Variants in GADL1 observed in about 807,000 individuals in gnomAD.
GADL1 encodes the protein acidic amino acid decarboxylase GADL1.
GADL1 carries 71 observed loss-of-function variants against 69.5 expected under a neutral mutation model. The ratio of observed to expected loss-of-function variants is 1.02; its 90% CI spans 0.84 to 1.25. GADL1 has a LOEUF of 1.25. GADL1 is among the 50% of genes most tolerant of loss of function. The pLI is 0.00. For missense variants in GADL1, 737 were observed against 631.8 expected, an observed-to-expected ratio of 1.17 and a Z score of -1.79; for synonymous variants, 254 against 214.4, an observed-to-expected ratio of 1.18 and a Z score of -1.62.
At chr3:30,803,667 T>C (rs1697201655) in intron 11 of GADL1, among the ~76,000 whole-genome samples, 1 of 152,212 alleles carries the variant, frequency 6.6e-6, no homozygotes, top group Admixed American at 6.5e-5. Context: ...ACTAAAAAAT[T>C]CTGCCTTGGG....
chr3:30,889,084 TAAA>T (rs60227313), intron 1 of GADL1, among the ~76,000 whole-genome samples: 3,173 of 32,320 alleles, frequency 0.098, 108 homozygotes, highest in African/African-American at 0.22. Context: ...CGGTAATCTA[TAAA>T]AAAAAAAAAA....
chr3:30,889,084 TAAAAA>T (rs60227313), intron 1 of GADL1, among the ~76,000 whole-genome samples: 163 of 32,880 alleles, frequency 5.0e-3, no homozygotes, highest in African/African-American at 0.013. Context: ...CGGTAATCTA[TAAAAA>T]AAAAAAAAAA....
chr3:30,821,181 G>C (rs1201515412), intron 11 of GADL1, among the ~76,000 whole-genome samples: 1 of 152,054 alleles, frequency 6.6e-6, no homozygotes, highest in East Asian at 1.9e-4. Context: ...CTGGGTGTGG[G>C]GAGGCGGGGA....
Position 30,765,331 on chromosome 3 carries a change from G to A in GADL1, c.1392+12848C>T, listed in dbSNP as rs1001276907. On this transcript the variant is annotated intron_variant, in intron 14 of 14. Coordinates refer to ENST00000282538, the MANE Select transcript of GADL1 (RefSeq NM_207359.3). ...GCAGACCAACTCACACTTTCAGGAT[G>A]AGTAGTCATATTCTGTAAAACTACA... Among the ~76,000 whole-genome samples, 36 of 152,178 alleles carry A rather than the reference G, an allele frequency of 2.4e-4. 1 individual carries two copies. Among genetic ancestry groups the A allele is most frequent in the African/African-American group, 8.7e-4 (36 of 41,438 alleles).
rs115846409 is a variant in GADL1, at chr3:30,741,192, G to A, written c.1393-12777C>T. Among the ~76,000 whole-genome samples the A allele has an allele frequency of 1.6e-3, 149 of 94,466 alleles. 1 individual carries two copies. The highest frequency in any genetic ancestry group is 8.4e-3 in the African/African-American group (128 of 15,270). 62.0% of individuals were successfully genotyped at this position (94,466 alleles called of 152,430 possible). On this transcript the variant is annotated intron_variant, in intron 14 of 14. Transcript: ENST00000282538. ...AATATTATATATATTATATAATTAT[G>A]TGTGTGTGTGTGTGTGTGTGTGTGT...
intron 12 of GADL1, among the ~76,000 whole-genome samples, chr3:30,788,279 A>G (rs1696841340): frequency 6.6e-6 from 1 of 152,242 alleles, no homozygotes; most frequent in Admixed American, 6.5e-5. Context: ...GTTTGGTTCC[A>G]GAACACTACA....
At chr3:30,805,734 CTTTTTTTTTTTT>C (rs34788058) in intron 11 of GADL1, among the ~76,000 whole-genome samples, 2,536 of 66,238 alleles carry the variant, frequency 0.038, 59 homozygotes, top group Non-Finnish European at 0.046. Flanking sequence ...AGTCCCCAGC[CTTTTTTTTTTTT>C]TTTTTTTTTT....
intron 11 of GADL1, among the ~76,000 whole-genome samples, chr3:30,809,555 T>C (rs1215797809): frequency 2.0e-5 from 3 of 152,194 alleles, no homozygotes; most frequent in Admixed American, 6.5e-5. Flanking sequence ...ATCTTTCCCA[T>C]TCCAGTCAAG....
At chr3:30,840,513 C>CT (rs1697948584) in intron 8 of GADL1, among the ~76,000 whole-genome samples, 1 of 152,162 alleles carries the variant, frequency 6.6e-6, no homozygotes, top group Non-Finnish European at 1.5e-5. Flanking sequence ...ACAACTATGG[C>CT]TTTATCATAC....
At chr3:30,762,216 G>A (rs747755771) in intron 14 of GADL1, among the ~76,000 whole-genome samples, 61 of 152,192 alleles carry the variant, frequency 4.0e-4, no homozygotes, top group Admixed American at 2.0e-3. Flanking sequence ...GCTTGGGGTA[G>A]TGACGATGCT....
intron 1 of GADL1, among the ~76,000 whole-genome samples, chr3:30,889,564 T>A (rs1575249737): frequency 6.6e-6 from 1 of 152,212 alleles, no homozygotes; most frequent in Non-Finnish European, 1.5e-5. Context: ...AGCAAAGCAA[T>A]GTATTTAACG....
intron 14 of GADL1, among the ~76,000 whole-genome samples, chr3:30,763,870 T>G (rs967318368): frequency 2.0e-5 from 3 of 152,152 alleles, no homozygotes; most frequent in Non-Finnish European, 4.4e-5. Context: ...TCAGAAAATA[T>G]CACCTTAAAA....
At position 30,793,335 on chromosome 3, in the gene GADL1, C is replaced by A. The variant is rs148684193; in HGVS notation, c.1251-6929G>T. Among the ~76,000 whole-genome samples, 31 of 152,088 alleles carry A rather than the reference C, an allele frequency of 2.0e-4. No individual in the cohort carries two copies. In the East Asian group the frequency reaches 5.6e-3, roughly 28 times the overall value. On this transcript the variant is annotated intron_variant, in intron 12 of 14. Coordinates refer to ENST00000282538, the MANE Select transcript of GADL1 (RefSeq NM_207359.3). Reference sequence around the variant, plus strand: ...ATGTTTCTAGGGATGACTTATTCCTCGTAACTTTTTTTTCAATATATGAAA... The same window carrying A: ...ATGTTTCTAGGGATGACTTATTCCTAGTAACTTTTTTTTCAATATATGAAA...
intron 14 of GADL1, among the ~76,000 whole-genome samples, chr3:30,749,754 A>G (rs1312571921): frequency 6.6e-6 from 1 of 152,226 alleles, no homozygotes; most frequent in South Asian, 2.1e-4. Context: ...GAGTGGTTTC[A>G]TTCGCCCCAG....
intron 14 of GADL1, among the ~76,000 whole-genome samples, chr3:30,776,296 A>G (rs1696534984): frequency 6.6e-6 from 1 of 152,190 alleles, no homozygotes; most frequent in South Asian, 2.1e-4. Flanking sequence ...ATCTTTCTCA[A>G]CTTGTAATTT....
chr3:30,775,953 TG>T (rs1696526632), intron 14 of GADL1, among the ~76,000 whole-genome samples: 1 of 151,982 alleles, frequency 6.6e-6, no homozygotes, highest in Admixed American at 6.5e-5. Flanking sequence ...AGCATGATGG[TG>T]GGTGCCTGTG....
intron 14 of GADL1, among the ~76,000 whole-genome samples, chr3:30,749,336 C>T (rs1233235860): frequency 6.6e-6 from 1 of 152,188 alleles, no homozygotes; most frequent in African/African-American, 2.4e-5. Flanking sequence ...CAGTGACCTC[C>T]CATTACACTC....
intron 14 of GADL1, among the ~76,000 whole-genome samples, chr3:30,741,579 A>G (rs1034753902): frequency 7.9e-5 from 12 of 152,060 alleles, no homozygotes. Context: ...TCCCCTCTCA[A>G]AATGTTCTTG....
At chr3:30,870,833 G>A (rs1398251412) in intron 1 of GADL1, among the ~76,000 whole-genome samples, 2 of 151,690 alleles carry the variant, frequency 1.3e-5, no homozygotes. Context: ...TTAGGTTTGA[G>A]ACCCGAGCAA....
Sources: allele counts gnomAD v4.1 joint callset (sites outside exome capture counted in the v4.1 genomes callset), GRCh38; gene constraint gnomAD v4.1.1; transcripts MANE v1.5; gene names NCBI Gene and HGNC (gene_info 2026-07-23, HGNC 2026-07-21).